The following LYPLAL1 variants were observed in gnomAD, a reference collection of about 807,000 sequenced individuals.
The protein encoded by LYPLAL1 is lysophospholipase-like protein 1.
Under a neutral mutation model 19.7 loss-of-function variants are expected in LYPLAL1, and 23 were observed. That is an observed-to-expected ratio of 1.17 (90% CI 0.84 to 1.65). The LOEUF (loss-of-function observed/expected upper bound fraction) is 1.65. LYPLAL1 is among the 40% of genes most tolerant of loss of function. The probability of loss-of-function intolerance (pLI) is 0.00; values close to 1 mark genes in which losing one functional copy is unlikely to be tolerated. For missense variants in LYPLAL1, 355 were observed against 279.4 expected (o/e 1.27, Z -1.93); for synonymous variants, 119 against 96.3 (o/e 1.24, Z -1.38).
At chr1:219,345,256 A>G in the LYPLAL1 span, among the ~76,000 whole-genome samples, 1 of 152,222 alleles carries the variant, frequency 6.6e-6, no homozygotes. Flanking sequence ...GAGAATTAAT[A>G]TCTTGTATTT....
chr1:219,221,439 G>A, the LYPLAL1 span, among the ~76,000 whole-genome samples: 1 of 152,188 alleles, frequency 6.6e-6, no homozygotes, highest in Non-Finnish European at 1.5e-5. Flanking sequence ...TATTTGACAA[G>A]TGAGCTTTTT....
the LYPLAL1 span, among the ~76,000 whole-genome samples, chr1:219,302,828 G>T: frequency 1.3e-5 from 2 of 151,878 alleles, no homozygotes; most frequent in Non-Finnish European, 2.9e-5. Flanking sequence ...GATCTTCTAG[G>T]TCATTCCAGC....
chr1:219,229,005 C>G, the LYPLAL1 span, among the ~76,000 whole-genome samples: 5 of 151,972 alleles, frequency 3.3e-5, no homozygotes, highest in African/African-American at 1.2e-4. Context: ...TATTGTAACT[C>G]TTTTAATCTT....
chr1:219,230,395 G>A, the LYPLAL1 span, among the ~76,000 whole-genome samples: 3 of 152,156 alleles, frequency 2.0e-5, no homozygotes, highest in African/African-American at 7.2e-5. Flanking sequence ...ACAGGCGTGA[G>A]CCACCGCACC....
chr1:219,253,948 A>G, the LYPLAL1 span, among the ~76,000 whole-genome samples: 2 of 152,100 alleles, frequency 1.3e-5, no homozygotes, highest in Non-Finnish European at 2.9e-5. Flanking sequence ...TGCTTTATGA[A>G]TCTGGGTGCT....
chr1:219,288,555 C>T, the LYPLAL1 span, among the ~76,000 whole-genome samples: 3 of 152,166 alleles, frequency 2.0e-5, no homozygotes, highest in Admixed American at 2.0e-4. Context: ...TGAAAACACT[C>T]TGTATAATGC....
At chr1:219,260,812 A>C in the LYPLAL1 span, among the ~76,000 whole-genome samples, 8 of 151,676 alleles carry the variant, frequency 5.3e-5, no homozygotes, top group African/African-American at 1.9e-4. Context: ...AAAGCCATTC[A>C]AGTTCTTGAA....
the LYPLAL1 span, among the ~76,000 whole-genome samples, chr1:219,317,654 T>A: frequency 6.6e-6 from 1 of 152,160 alleles, no homozygotes; most frequent in African/African-American, 2.4e-5. Context: ...ATAAATAAGC[T>A]ACTTGACTTT....
chr1:219,401,417 G>A, the LYPLAL1 span, among the ~76,000 whole-genome samples: 2 of 149,936 alleles, frequency 1.3e-5, no homozygotes, highest in Non-Finnish European at 3.0e-5. Context: ...GTGAATAATT[G>A]GGGAAAGGAA....
At chr1:219,299,888 G>A in the LYPLAL1 span, among the ~76,000 whole-genome samples, 1 of 152,038 alleles carries the variant, frequency 6.6e-6, no homozygotes, top group African/African-American at 2.4e-5. Flanking sequence ...CACACACATA[G>A]GTATGTATGA....
At chr1:219,356,901 G>T in the LYPLAL1 span, among the ~76,000 whole-genome samples, 30,614 of 151,984 alleles carry the variant, frequency 0.2, 3,653 homozygotes, top group Admixed American at 0.31. Flanking sequence ...GGAACATTTT[G>T]GTTCATTGAA....
the LYPLAL1 span, among the ~76,000 whole-genome samples, chr1:219,385,507 G>A: frequency 1.2e-4 from 18 of 150,904 alleles, no homozygotes; most frequent in African/African-American, 3.9e-4. Context: ...GTTATAGCAC[G>A]AGTCCTCATT....
At chr1:219,211,436 G>A (rs1264623620) in intron 4 of LYPLAL1, 56 bp from the exon 5 acceptor site, 18 of 1,165,602 alleles carry the variant, frequency 1.5e-5, no homozygotes, top group Admixed American at 2.4e-5. Flanking sequence ...TGATTTCTAA[G>A]AATGATCTTA....
the LYPLAL1 span, among the ~76,000 whole-genome samples, chr1:219,415,579 A>G: frequency 1.3e-5 from 2 of 152,200 alleles, no homozygotes; most frequent in Non-Finnish European, 2.9e-5. Flanking sequence ...GAGCACATAC[A>G]CTTGAGAAAT....
chr1:219,217,937 A>G, the LYPLAL1 span, among the ~76,000 whole-genome samples: 3 of 152,076 alleles, frequency 2.0e-5, no homozygotes, highest in Non-Finnish European at 4.4e-5. Flanking sequence ...GAATTTTGCA[A>G]AGGAGGAGAG....
At chr1:219,290,890 T>C in the LYPLAL1 span, among the ~76,000 whole-genome samples, 1 of 152,194 alleles carries the variant, frequency 6.6e-6, no homozygotes, top group Non-Finnish European at 1.5e-5. Flanking sequence ...GAATATACTC[T>C]ATTCACAGAC....
chr1:219,367,512 G>GA, the LYPLAL1 span, among the ~76,000 whole-genome samples: 7 of 145,758 alleles, frequency 4.8e-5, no homozygotes, highest in Non-Finnish European at 4.5e-5. Context: ...TTTCCATTTA[G>GA]AAAAAAAAAA....
At chr1:219,332,048 G>C in the LYPLAL1 span, among the ~76,000 whole-genome samples, 2 of 152,160 alleles carry the variant, frequency 1.3e-5, no homozygotes, top group Admixed American at 6.6e-5. Flanking sequence ...ACAGAGATTT[G>C]TAAATTTGTG....
the LYPLAL1 span, among the ~76,000 whole-genome samples, chr1:219,369,869 A>T: frequency 2.0e-5 from 3 of 152,208 alleles, no homozygotes; most frequent in African/African-American, 7.2e-5. Context: ...TGATTAGGGA[A>T]GTCTATTGCT....
Sources: allele counts gnomAD v4.1 joint callset (sites outside exome capture counted in the v4.1 genomes callset), GRCh38; gene constraint gnomAD v4.1.1; transcripts MANE v1.5; gene names NCBI Gene and HGNC (gene_info 2026-07-23, HGNC 2026-07-21).